Variants in EYS observed in about 807,000 individuals in gnomAD.
The protein encoded by EYS is EGF-like photoreceptor maintenance factor.
In EYS, 250 loss-of-function variants were observed where a neutral mutation model predicts 282.1. The observed-to-expected ratio is 0.89, with a 90% CI of 0.80 to 0.98. The LOEUF (loss-of-function observed/expected upper bound fraction) is 0.98. EYS is among the 50% of genes least tolerant of loss of function. The pLI, the probability that EYS is intolerant of heterozygous loss-of-function variation, is 0.00. For missense variants in EYS, 4,016 were observed against 3,709.0 expected, an observed-to-expected ratio of 1.08 and a Z score of -2.15; for synonymous variants, 1,355 against 1,282.9, an observed-to-expected ratio of 1.06 and a Z score of -1.20.
intron 31 of EYS, among the ~76,000 whole-genome samples, chr6:64,211,141 A>G (rs1765753807): frequency 6.6e-6 from 1 of 152,072 alleles, no homozygotes; most frequent in Admixed American, 6.5e-5. Flanking sequence ...GCATGAACCC[A>G]TGCCTCTAAT....
intron 2 of EYS, among the ~76,000 whole-genome samples, chr6:65,540,838 G>A (rs1307654554): frequency 2.6e-5 from 4 of 152,040 alleles, no homozygotes; most frequent in East Asian, 1.9e-4. Flanking sequence ...CAGGAGAATC[G>A]CTTGAATCCG....
chr6:64,445,359 T>A (rs1026572960), intron 26 of EYS, among the ~76,000 whole-genome samples: 6 of 152,112 alleles, frequency 3.9e-5, no homozygotes, highest in African/African-American at 1.4e-4. Context: ...ATTCTATACA[T>A]TTTTATTGTC....
chr6:65,493,394 T>C (rs551470162), intron 4 of EYS, among the ~76,000 whole-genome samples: 118 of 152,310 alleles, frequency 7.7e-4, no homozygotes, highest in African/African-American at 2.7e-3. Flanking sequence ...ATGACCAAAA[T>C]ACATACCAAT....
intron 30 of EYS, among the ~76,000 whole-genome samples, chr6:64,270,630 A>G (rs538222796): frequency 6.6e-5 from 10 of 152,334 alleles, no homozygotes; most frequent in African/African-American, 1.7e-4. Context: ...GAGGGATTAT[A>G]GAACTTGTAA....
At chr6:65,476,175 C>G (rs1344652434) in intron 5 of EYS, among the ~76,000 whole-genome samples, 1 of 152,040 alleles carries the variant, frequency 6.6e-6, no homozygotes, top group Non-Finnish European at 1.5e-5. Context: ...TTCTAAACAC[C>G]AAATGGTGGC....
At chr6:63,806,113 A>G (rs1165101743) in intron 37 of EYS, 77 bp downstream of exon 37, 1 of 1,273,118 alleles carries the variant, frequency 7.9e-7, no homozygotes, top group Non-Finnish European at 1.1e-6. Flanking sequence ...ACCACAGCCA[A>G]TTAGAGTGTC....
chr6:64,017,971 G>T (rs907341747), intron 33 of EYS, among the ~76,000 whole-genome samples: 1 of 152,094 alleles, frequency 6.6e-6, no homozygotes, highest in Admixed American at 6.5e-5. Flanking sequence ...TTTTGTATAA[G>T]AAATAATATG....
Position 63,801,336 on chromosome 6 carries a change from G to C in EYS, c.7411+4854C>G, listed in dbSNP as rs546235894. ...GAGATCTTGTGTTTCATAGAACATGGGGGATGAAATGGAGAGAGACCAGGA... is the reference window on the plus strand; with the variant it reads ...GAGATCTTGTGTTTCATAGAACATGCGGGATGAAATGGAGAGAGACCAGGA... On this transcript the variant is annotated intron_variant, in intron 37 of 42. Coordinates refer to ENST00000503581, the MANE Select transcript of EYS (RefSeq NM_001142800.2). 3.3e-5 allele frequency among the ~76,000 whole-genome samples: 5 copies of C among 152,274 alleles called. No homozygotes were observed. The South Asian group carries it at 6.2e-4, about 19-fold the overall frequency.
chr6:63,846,383 T>C (rs939822607), intron 36 of EYS, among the ~76,000 whole-genome samples: 1 of 152,182 alleles, frequency 6.6e-6, no homozygotes. Flanking sequence ...CTCACCCTGA[T>C]GACAGCTCTT....
At chr6:64,624,758 C>T (rs376988410) in intron 23 of EYS, among the ~76,000 whole-genome samples, 121 of 152,150 alleles carry the variant, frequency 8.0e-4, no homozygotes, top group African/African-American at 2.5e-3. Flanking sequence ...CATATTAGTC[C>T]TAATACTCTC....
chr6:64,010,817 A>G (rs1421730272), intron 33 of EYS, among the ~76,000 whole-genome samples: 6 of 152,182 alleles, frequency 3.9e-5, no homozygotes, highest in Non-Finnish European at 8.8e-5. Context: ...TACTGGAAAT[A>G]TTCACAGGTC....
chr6:65,294,314 G>A (rs1768605183), intron 12 of EYS, among the ~76,000 whole-genome samples: 1 of 151,896 alleles, frequency 6.6e-6, no homozygotes, highest in Non-Finnish European at 1.5e-5. Context: ...ACTGAACTGA[G>A]GAAAGCCAGA....
At position 65,639,842 on chromosome 6, in the gene EYS, A is replaced by G. The variant is rs969617878; in HGVS notation, c.-397T>C. 2.0e-5 allele frequency: 3 copies of G among 152,198 alleles called. No individual in the cohort carries two copies. Among genetic ancestry groups the G allele is most frequent in the Non-Finnish European group, 4.4e-5 (3 of 68,032 alleles). The allele number at this position is 152,198 out of a possible 1,614,324, so 9.4% of individuals were successfully genotyped here. A position where few individuals can be genotyped will look rare whatever the true frequency, so the allele number is the denominator to read the frequency against. ...TTTATTTGCTAAATAAATATGGAGC[A>G]GAGGATCCAGACTTGACTCCCCAGG... is the stretch of plus-strand genomic sequence containing the variant. On this transcript the variant is annotated 5_prime_UTR_variant, in exon 2 of 43. Transcript: ENST00000503581.
chr6:63,846,341 G>C (rs1366037264), intron 36 of EYS, among the ~76,000 whole-genome samples: 1 of 151,964 alleles, frequency 6.6e-6, no homozygotes, highest in Non-Finnish European at 1.5e-5. Flanking sequence ...AGAGTGACAG[G>C]GATACACTCC....
At chr6:64,944,669 A>G (rs1267494667) in intron 15 of EYS, among the ~76,000 whole-genome samples, 2 of 152,026 alleles carry the variant, frequency 1.3e-5, no homozygotes, top group African/African-American at 2.4e-5. Flanking sequence ...AGGATTAGTA[A>G]AAGAGGAAAG....
chr6:64,687,775 G>A (rs916526852), intron 22 of EYS, among the ~76,000 whole-genome samples: 3 of 152,146 alleles, frequency 2.0e-5, no homozygotes, highest in African/African-American at 7.2e-5. Context: ...CTATTGATTG[G>A]AATAGTTTCA....
chr6:64,514,723 G>T (rs1777508485), intron 26 of EYS, among the ~76,000 whole-genome samples: 2 of 151,730 alleles, frequency 1.3e-5, no homozygotes, highest in Non-Finnish European at 2.9e-5. Flanking sequence ...TACCAAGTCA[G>T]GTTCAACCTA....
At chr6:64,889,376 T>C (rs1767205056) in intron 18 of EYS, among the ~76,000 whole-genome samples, 1 of 152,020 alleles carries the variant, frequency 6.6e-6, no homozygotes, top group Admixed American at 6.6e-5. Context: ...TGTATAGTTA[T>C]CTTGAAGATA....
chr6:64,740,973 A>G, intron 22 of EYS, among the ~76,000 whole-genome samples: 1 of 152,024 alleles, frequency 6.6e-6, no homozygotes, highest in East Asian at 1.9e-4. Context: ...TCGGCCTCCC[A>G]AAGTGCTGGG....
Sources: gnomAD v4.1 joint callset for allele counts (sites outside exome capture counted in the v4.1 genomes callset) on GRCh38, gnomAD v4.1.1 for gene constraint, MANE v1.5 for transcripts, NCBI Gene and HGNC (gene_info 2026-07-23, HGNC 2026-07-21) for gene names.